KCNQ1: variants seen among roughly 807,000 people sequenced by gnomAD.
KCNQ1 encodes the protein potassium voltage-gated channel subfamily Q member 1, also known as potassium voltage-gated channel subfamily KQT member 1.
In KCNQ1, 49 loss-of-function variants were observed where a neutral mutation model predicts 72.4. That is an observed-to-expected ratio of 0.68 (90% CI 0.54 to 0.86). The LOEUF (loss-of-function observed/expected upper bound fraction) is 0.86. Ranked by LOEUF, KCNQ1 falls within the 40% of genes least tolerant of loss-of-function variation. The pLI is 0.00. For synonymous variants in KCNQ1, 450 were observed against 412.6 expected, an observed-to-expected ratio of 1.09 and a Z score of -1.10; for missense variants, 790 against 945.1, an observed-to-expected ratio of 0.84 and a Z score of 2.15.
chr11:2,841,406 C>T (rs1279209373), intron 15 of KCNQ1, among the ~76,000 whole-genome samples: 1 of 152,144 alleles, frequency 6.6e-6, no homozygotes, highest in Non-Finnish European at 1.5e-5. Flanking sequence ...AGGTTGGGGG[C>T]ATAGCCAGGC....
chr11:2,447,273 A>G lies in KCNQ1; in HGVS notation c.386+1789A>G, dbSNP rs769196164. On this transcript the variant is annotated intron_variant, in intron 1 of 15. Coordinates refer to ENST00000155840, the MANE Select transcript of KCNQ1 (RefSeq NM_000218.3). The surrounding 1 kb of genome is among the most constrained non-coding windows in gnomAD (Gnocchi z 7.6). The stretch of plus-strand genomic sequence containing the variant: ...CCAGCCTCCGCAGAGCTGGCAAGGC[A>G]GGGGTGGCTTCTGGGGACAGGGGCA... Among the ~76,000 whole-genome samples, 17 of 152,108 alleles carry G rather than the reference A, an allele frequency of 1.1e-4. No homozygotes were observed. The highest frequency in any genetic ancestry group is 1.9e-4 in the Non-Finnish European group (13 of 67,990).
In KCNQ1 at chr11:2,677,360, A is replaced by G. The variant is rs1471605951; in HGVS notation, c.1514+15279A>G. On this transcript the variant is annotated intron_variant, in intron 11 of 15. Coordinates refer to ENST00000155840, the MANE Select transcript of KCNQ1 (RefSeq NM_000218.3). This position sits in a 1 kb window ranked among gnomAD's most constrained non-coding sequence, Gnocchi z 4.5. ...AAATAGAGACTGGGCAGAGTAGACC[A>G]GTTAGTTAATCAGTTGAAGAGGAAA... 1 of 398,530 alleles carries G rather than the reference A, an allele frequency of 2.5e-6. No individual in the cohort carries two copies. The highest frequency in any genetic ancestry group is 4.4e-6 in the Non-Finnish European group (1 of 226,072). The allele number at this position is 398,530 out of a possible 1,614,324, so 24.7% of individuals were successfully genotyped here.
chr11:2,733,858 C>CTCT (rs1424662505), intron 11 of KCNQ1, among the ~76,000 whole-genome samples: 1 of 12,860 alleles, frequency 7.8e-5, no homozygotes, highest in Admixed American at 4.9e-4. Flanking sequence ...TCTCTCTCTC[C>CTCT]CCCCCCACTT....
At chr11:2,705,483 G>C (rs1850893608) in intron 11 of KCNQ1, among the ~76,000 whole-genome samples, 1 of 152,170 alleles carries the variant, frequency 6.6e-6, no homozygotes, top group Non-Finnish European at 1.5e-5. Context: ...GGCACGGGGG[G>C]GTGGGAAAAT....
rs1407057209 is a variant in KCNQ1, at chr11:2,456,787, AAATT to A, written c.386+11305_386+11308del. On this transcript the variant is annotated intron_variant, in intron 1 of 15. Transcript: ENST00000155840. ...ATCCAAAAAAAAAAAAAAAAAAAAA[AAATT>A]AGCCGGGCGTGGGGGTGGGCGCCTG... 9.5e-4 allele frequency among the ~76,000 whole-genome samples: 114 copies of A among 119,766 alleles called. 1 individual carries two copies. The highest frequency in any genetic ancestry group is 1.5e-3 in the Non-Finnish European group (93 of 61,046). The allele number at this position is 119,766 out of a possible 152,430, so 78.6% of individuals were successfully genotyped here.
At chr11:2,489,420 C>T (rs1393657889) in intron 1 of KCNQ1, among the ~76,000 whole-genome samples, 1 of 152,154 alleles carries the variant, frequency 6.6e-6, no homozygotes, top group African/African-American at 2.4e-5. Flanking sequence ...AAAACCTTGC[C>T]ACCACGGGCT....
chr11:2,604,099 A>G (rs1848845723), intron 10 of KCNQ1, among the ~76,000 whole-genome samples: 1 of 152,146 alleles, frequency 6.6e-6, no homozygotes, highest in East Asian at 1.9e-4. Flanking sequence ...GATTGTTTCC[A>G]CATTTTGACT....
At chr11:2,583,996 G>A (rs1848545703) in intron 7 of KCNQ1, among the ~76,000 whole-genome samples, 1 of 152,186 alleles carries the variant, frequency 6.6e-6, no homozygotes, top group South Asian at 2.1e-4. Flanking sequence ...GTGTGTGTGT[G>A]TGTGTTATGT....
chr11:2,719,015 G>A (rs761343396), intron 11 of KCNQ1, among the ~76,000 whole-genome samples: 6 of 152,238 alleles, frequency 3.9e-5, no homozygotes, highest in Non-Finnish European at 5.9e-5. Context: ...ATAGACCACA[G>A]ATACTCATCT....
At position 2,710,079 on chromosome 11, in the gene KCNQ1, G is replaced by A. The variant is rs552548186; in HGVS notation, c.1514+47998G>A. Among the ~76,000 whole-genome samples the A allele has an allele frequency of 3.3e-5, 5 of 152,246 alleles. No individual in the cohort carries two copies. The South Asian group carries it at 1.0e-3, about 32-fold the overall frequency. ...GATCTGCCAGACTGTTTTCCAATGT[G>A]GCAGCACCATTTTGCATTCCCACCA... On this transcript the variant is annotated intron_variant, in intron 11 of 15. Transcript: ENST00000155840. This position sits in a 1 kb window ranked among gnomAD's most constrained non-coding sequence, Gnocchi z 4.1.
chr11:2,705,219 C>T (rs1850886242), intron 11 of KCNQ1, among the ~76,000 whole-genome samples: 1 of 152,200 alleles, frequency 6.6e-6, no homozygotes, highest in Non-Finnish European at 1.5e-5. Context: ...ATTTGCGTTC[C>T]TGCATTTGGG....
Position 2,612,356 on chromosome 11 carries a change from CA to C in KCNQ1, c.1393+23506del. ...CTGGCTGTGGAAAAATTGTCTTCCA[CA>C]AAACTGGTCCCTCATGCCAAAAAGG... On this transcript the variant is annotated intron_variant, in intron 10 of 15. Transcript: ENST00000155840. The surrounding 1 kb of genome is among the most constrained non-coding windows in gnomAD (Gnocchi z 5.5). 2 of 398,662 alleles carry C rather than the reference CA, an allele frequency of 5.0e-6. No homozygotes were observed. The highest frequency in any genetic ancestry group is 7.1e-5 in the East Asian group (2 of 28,080). 24.7% of individuals were successfully genotyped at this position (398,662 alleles called of 1,614,324 possible). A position where few individuals can be genotyped will look rare whatever the true frequency, so the allele number is the denominator to read the frequency against.
rs575493648 is a variant in KCNQ1, at chr11:2,554,060, C to T, written c.478-16568C>T. 3.9e-5 allele frequency among the ~76,000 whole-genome samples: 6 copies of T among 152,282 alleles called. 1 individual carries two copies. In the East Asian group the frequency reaches 1.2e-3, roughly 29 times the overall value. Reference sequence around the variant, plus strand: ...ACACCTTTTTGGATGTGACTGACTTCGGTTGTGTGTAGAACTTCCACGCCC... The same window carrying T: ...ACACCTTTTTGGATGTGACTGACTTTGGTTGTGTGTAGAACTTCCACGCCC... On this transcript the variant is annotated intron_variant, in intron 2 of 15. Coordinates refer to ENST00000155840, the MANE Select transcript of KCNQ1 (RefSeq NM_000218.3).
chr11:2,498,393 G>C lies in KCNQ1; in HGVS notation c.387-29535G>C, dbSNP rs1425908279. On this transcript the variant is annotated intron_variant, in intron 1 of 15. Coordinates refer to ENST00000155840, the MANE Select transcript of KCNQ1 (RefSeq NM_000218.3). This position sits in a 1 kb window ranked among gnomAD's most constrained non-coding sequence, Gnocchi z 4.8. ...TTTCAGAGATGCCCTGCCCAGTGAG[G>C]AGGAATCTAGAGAAGCAGTCTGGCC... 6.6e-6 allele frequency among the ~76,000 whole-genome samples: 1 copy of C among 152,220 alleles called. No homozygotes were observed. The highest frequency in any genetic ancestry group is 1.5e-5 in the Non-Finnish European group (1 of 68,046).
chr11:2,488,698 T>C lies in KCNQ1; in HGVS notation c.387-39230T>C, dbSNP rs1846782402. On this transcript the variant is annotated intron_variant, in intron 1 of 15. Transcript: ENST00000155840. The surrounding 1 kb of genome is among the most constrained non-coding windows in gnomAD (Gnocchi z 5.1). ...TATTTCTGTAGAATTGATAGTCATG[T>C]CCCTATTTTCACTTCTGATTTCAGT... is the stretch of plus-strand genomic sequence containing the variant. 6.6e-6 allele frequency among the ~76,000 whole-genome samples: 1 copy of C among 152,226 alleles called. No individual in the cohort carries two copies. Among genetic ancestry groups the C allele is most frequent in the Non-Finnish European group, 1.5e-5 (1 of 68,028 alleles).
At chr11:2,460,141 G>A (rs572290549) in intron 1 of KCNQ1, among the ~76,000 whole-genome samples, 11 of 152,192 alleles carry the variant, frequency 7.2e-5, no homozygotes, top group South Asian at 4.2e-4. Flanking sequence ...AGAGGTGTCC[G>A]GAGATGCAAC....
intron 11 of KCNQ1, among the ~76,000 whole-genome samples, chr11:2,765,029 A>G (rs1846470996): frequency 6.6e-6 from 1 of 151,888 alleles, no homozygotes; most frequent in African/African-American, 2.4e-5. Flanking sequence ...CCCTCCTACT[A>G]TCTTTGGTAG....
intron 1 of KCNQ1, among the ~76,000 whole-genome samples, chr11:2,524,772 C>T (rs1192112128): frequency 6.6e-6 from 1 of 152,192 alleles, no homozygotes; most frequent in African/African-American, 2.4e-5. Flanking sequence ...GGAAGAAGCA[C>T]CTGTGGGCCA....
intron 1 of KCNQ1, among the ~76,000 whole-genome samples, chr11:2,503,458 A>G (rs1233845963): frequency 1.4e-5 from 2 of 145,022 alleles, no homozygotes; most frequent in Non-Finnish European, 3.0e-5. Context: ...CAAACACCGC[A>G]TGTTCTCACT....
Sources: gnomAD v4.1 joint callset for allele counts (sites outside exome capture counted in the v4.1 genomes callset) on GRCh38, gnomAD v4.1.1 for gene constraint, Gnocchi (gnomAD v3.1) non-coding constraint, MANE v1.5 for transcripts, NCBI Gene and HGNC (gene_info 2026-07-23, HGNC 2026-07-21) for gene names.